SLCO1C1: variants seen among roughly 807,000 people sequenced by gnomAD.
SLCO1C1 encodes solute carrier organic anion transporter family member 1C1.
In SLCO1C1, 70 loss-of-function variants were observed where a neutral mutation model predicts 76.4. That is an observed-to-expected ratio of 0.92 (90% CI 0.76 to 1.12). SLCO1C1 has a LOEUF of 1.12. SLCO1C1 is among the 50% of genes most tolerant of loss of function. SLCO1C1 has a pLI of 0.00. For synonymous variants in SLCO1C1, 306 were observed against 286.1 expected (o/e 1.07, Z -0.70); for missense variants, 912 against 823.8 (o/e 1.11, Z -1.31).
intron 9 of SLCO1C1, among the ~76,000 whole-genome samples, chr12:20,729,686 A>T (rs1336835087): frequency 1.3e-5 from 2 of 151,634 alleles, no homozygotes; most frequent in East Asian, 3.9e-4. Flanking sequence ...GTACTCTGGG[A>T]GAACAAACCT....
At chr12:20,708,092 C>T (rs1396207647) in intron 4 of SLCO1C1, among the ~76,000 whole-genome samples, 1 of 152,106 alleles carries the variant, frequency 6.6e-6, no homozygotes, top group African/African-American at 2.4e-5. Context: ...TTCTTTCCAC[C>T]TTTACACAAC....
chr12:20,719,049 T>C (rs1281149807), intron 7 of SLCO1C1, among the ~76,000 whole-genome samples: 1 of 151,814 alleles, frequency 6.6e-6, no homozygotes, highest in Non-Finnish European at 1.5e-5. Flanking sequence ...TGTGTTCACT[T>C]TGGGTCTCCG....
At chr12:20,699,147 T>G (rs1487655442) in intron 1 of SLCO1C1, among the ~76,000 whole-genome samples, 1 of 152,064 alleles carries the variant, frequency 6.6e-6, no homozygotes, top group Non-Finnish European at 1.5e-5. Flanking sequence ...GAAGATAGAT[T>G]TAAAGGCTTT....
chr12:20,749,825 A>G (rs1428430793), intron 13 of SLCO1C1, among the ~76,000 whole-genome samples: 2 of 152,242 alleles, frequency 1.3e-5, no homozygotes, highest in Non-Finnish European at 1.5e-5. Flanking sequence ...ATGTAAAACA[A>G]TGAGAATTAA....
At chr12:20,749,437 G>C (rs1372781015) in intron 13 of SLCO1C1, among the ~76,000 whole-genome samples, 1 of 152,134 alleles carries the variant, frequency 6.6e-6, no homozygotes, top group Non-Finnish European at 1.5e-5. Context: ...TGGACTGCCA[G>C]ACAACATGGT....
chr12:20,733,105 G>C lies in SLCO1C1; in HGVS notation c.1382+1G>C. 6.4e-7 allele frequency: 1 copy of C among 1,552,392 alleles called. No individual in the cohort carries two copies. The highest frequency in any genetic ancestry group is 2.1e-5 in the Admixed American group (1 of 47,206). On this transcript the variant is annotated splice_donor_variant, in intron 10 of 14. Transcript: ENST00000266509. LOFTEE classifies it high-confidence loss of function. Reference sequence around the variant, plus strand: ...CAGGACTAACTGTCTCCTACCAAGGGTATGTTCCCTCATTAAATAGTTTGA... The same window carrying C: ...CAGGACTAACTGTCTCCTACCAAGGCTATGTTCCCTCATTAAATAGTTTGA...
chr12:20,725,555 T>G (rs1947938376), intron 9 of SLCO1C1, among the ~76,000 whole-genome samples: 1 of 147,982 alleles, frequency 6.8e-6, no homozygotes, highest in Admixed American at 6.8e-5. Flanking sequence ...TATGCTCATT[T>G]TTCATGGTTA....
At chr12:20,700,622 T>C (rs945004811) in intron 2 of SLCO1C1, among the ~76,000 whole-genome samples, 4 of 151,592 alleles carry the variant, frequency 2.6e-5, no homozygotes, top group Non-Finnish European at 5.9e-5. Flanking sequence ...CGAGAATAGT[T>C]GTTTCTTAAG....
At chr12:20,732,776 T>G (rs1367665864) in intron 9 of SLCO1C1, 133 bp from the exon 10 acceptor site, 8 of 888,928 alleles carry the variant, frequency 9.0e-6, no homozygotes, top group Middle Eastern at 3.5e-4. Context: ...CATACACTCT[T>G]TGTATATGTC....
chr12:20,734,361 A>G (rs1230163917), intron 10 of SLCO1C1, among the ~76,000 whole-genome samples: 1 of 152,190 alleles, frequency 6.6e-6, no homozygotes, highest in Non-Finnish European at 1.5e-5. Flanking sequence ...AGTGAAAGTC[A>G]GTGATATGGA....
At chr12:20,751,740 C>A (rs1284053047) in intron 14 of SLCO1C1, among the ~76,000 whole-genome samples, 10 of 152,110 alleles carry the variant, frequency 6.6e-5, no homozygotes, top group Admixed American at 6.6e-4. Flanking sequence ...TCAACCTGTT[C>A]TTCCATACCT....
chr12:20,742,197 A>C (rs1338598267), intron 12 of SLCO1C1, among the ~76,000 whole-genome samples: 1 of 152,162 alleles, frequency 6.6e-6, no homozygotes, highest in Non-Finnish European at 1.5e-5. Flanking sequence ...CTACTTCTTC[A>C]ATATCTTATA....
At chr12:20,744,826 C>T (rs7311073) in intron 13 of SLCO1C1, among the ~76,000 whole-genome samples, 66,268 of 151,772 alleles carry the variant, frequency 0.44, 17,182 homozygotes, top group South Asian at 0.63. Context: ...TATGAATAGG[C>T]GCAATAATTG....
Position 20,706,093 on chromosome 12 carries a change from G to A in SLCO1C1, c.404+12G>A. Reference sequence around the variant, plus strand: ...TTCTTCATGGAGCAGTAAGTCTAAAGCAATCATCTTTTCCTTGCCTTTCCA... The same window carrying A: ...TTCTTCATGGAGCAGTAAGTCTAAAACAATCATCTTTTCCTTGCCTTTCCA... On this transcript the variant is annotated intron_variant, in intron 4 of 14. Coordinates refer to ENST00000266509, the MANE Select transcript of SLCO1C1 (RefSeq NM_017435.5). The A allele has an allele frequency of 6.3e-7, 1 of 1,598,196 alleles. No individual in the cohort carries two copies. Among genetic ancestry groups the A allele is most frequent in the African/African-American group, 1.4e-5 (1 of 74,072 alleles).
intron 13 of SLCO1C1, among the ~76,000 whole-genome samples, chr12:20,745,650 C>T (rs1377347527): frequency 6.6e-6 from 1 of 151,736 alleles, no homozygotes; most frequent in Non-Finnish European, 1.5e-5. Flanking sequence ...CATGGTGAAA[C>T]CCCATCTCTA....
intron 12 of SLCO1C1, among the ~76,000 whole-genome samples, chr12:20,741,874 T>G (rs1050011977): frequency 6.6e-6 from 1 of 152,208 alleles, no homozygotes; most frequent in Non-Finnish European, 1.5e-5. Flanking sequence ...TAGAAATCAG[T>G]ATTTATGAGA....
At chr12:20,706,184 A>G (rs1032978407) in intron 4 of SLCO1C1, 103 bp downstream of exon 4, 2 of 1,321,370 alleles carry the variant, frequency 1.5e-6, no homozygotes, top group Admixed American at 2.7e-5. Flanking sequence ...ACCCATGATA[A>G]CTTTGTCTTA....
chr12:20,719,372 T>C (rs544709094), intron 7 of SLCO1C1, among the ~76,000 whole-genome samples: 181 of 152,226 alleles, frequency 1.2e-3, no homozygotes, highest in Non-Finnish European at 2.1e-3. Context: ...TCTAGGTGTT[T>C]AAGTGAAAGG....
intron 10 of SLCO1C1, 89 bp from the exon 11 acceptor site, chr12:20,737,018 T>C: frequency 2.5e-6 from 3 of 1,197,874 alleles, no homozygotes; most frequent in South Asian, 4.6e-5. Context: ...ATAGTATCAT[T>C]TATATCACTC....
Sources: gnomAD v4.1 joint callset for allele counts (sites outside exome capture counted in the v4.1 genomes callset) on GRCh38, gnomAD v4.1.1 for gene constraint, MANE v1.5 for transcripts, NCBI Gene and HGNC (gene_info 2026-07-23, HGNC 2026-07-21) for gene names.